Variants in CYRIB observed in about 807,000 individuals in gnomAD.
CYRIB encodes CYFIP related Rac1 interactor B.
CYRIB carries 8 observed loss-of-function variants against 44.2 expected under a neutral mutation model. That is an observed-to-expected ratio of 0.18 (90% confidence interval 0.11 to 0.33). The LOEUF (loss-of-function observed/expected upper bound fraction) is 0.33, where lower values mean the gene tolerates loss of function less well. CYRIB is among the 10% of genes least tolerant of loss of function. The probability of loss-of-function intolerance (pLI) is 1.00; values close to 1 mark genes in which losing one functional copy is unlikely to be tolerated. For synonymous variants in CYRIB, 131 were observed against 127.2 expected (o/e 1.03, Z -0.20); for missense variants, 185 against 382.8 (o/e 0.48, Z 4.31).
At chr8:129,872,782 CAAG>C (rs1389198442) in intron 3 of CYRIB, among the ~76,000 whole-genome samples, 4 of 151,922 alleles carry the variant, frequency 2.6e-5, no homozygotes, top group Non-Finnish European at 4.4e-5. Flanking sequence ...TTTTAACAAA[CAAG>C]AAGGTTTTTG....
At chr8:129,943,086 A>ACCCCCCCCCCCCCCCCCCCCCCCCC (rs779721289), upstream of CYRIB, among the ~76,000 whole-genome samples, 1 of 101,580 alleles carries the variant, frequency 9.8e-6, no homozygotes, top group African/African-American at 3.3e-5. Flanking sequence ...TGCACCGCCC[A>ACCCCCCCCCCCCCCCCCCCCCCCCC]CCCGCCCCCC....
At chr8:129,994,351 A>G (rs983807331) in intron 1 of CYRIB, among the ~76,000 whole-genome samples, 1 of 152,194 alleles carries the variant, frequency 6.6e-6, no homozygotes, top group African/African-American at 2.4e-5. Context: ...TTGGACTGCC[A>G]GTCTCCAGAA....
At chr8:129,849,403 G>A (rs752774225) in intron 9 of CYRIB, 34 bp from the exon 12 acceptor site, 4 of 1,566,886 alleles carry the variant, frequency 2.6e-6, no homozygotes, top group African/African-American at 1.4e-5. Flanking sequence ...TGGAAGAAGT[G>A]CATTACAAAA....
At chr8:129,932,402 A>G (rs1243499055) in intron 1 of CYRIB, among the ~76,000 whole-genome samples, 2 of 152,166 alleles carry the variant, frequency 1.3e-5, no homozygotes, top group Non-Finnish European at 2.9e-5. Flanking sequence ...GTATTCCTCC[A>G]GAGCAAAGGG....
At chr8:129,984,786 G>T (rs1564618716) in intron 1 of CYRIB, among the ~76,000 whole-genome samples, 2 of 151,756 alleles carry the variant, frequency 1.3e-5, no homozygotes, top group Non-Finnish European at 2.9e-5. Context: ...TTTTGTTTTT[G>T]TTTTTTTGAG....
chr8:129,862,695 C>T, intron 4 of CYRIB, among the ~76,000 whole-genome samples: 1 of 152,166 alleles, frequency 6.6e-6, no homozygotes, highest in East Asian at 1.9e-4. Flanking sequence ...TGGTCTCGAA[C>T]TCCTGACCTC....
intron 1 of CYRIB, among the ~76,000 whole-genome samples, chr8:129,925,261 G>A (rs1245241626): frequency 2.6e-5 from 4 of 152,170 alleles, no homozygotes; most frequent in African/African-American, 9.7e-5. Flanking sequence ...AGCCGGGCAT[G>A]GTGGTGTGTA....
At chr8:129,879,546 A>G in intron 2 of CYRIB, 75 bp from the exon 5 acceptor site, 1 of 1,088,600 alleles carries the variant, frequency 9.2e-7, no homozygotes, top group East Asian at 2.4e-5. Flanking sequence ...TTAAAGAAAA[A>G]TAGTAACAGG....
intron 2 of CYRIB, among the ~76,000 whole-genome samples, chr8:129,951,846 C>T (rs2094520488): frequency 6.6e-6 from 1 of 151,136 alleles, no homozygotes; most frequent in Admixed American, 6.6e-5. Flanking sequence ...TATTGTCTTT[C>T]TCCATGAACT....
At chr8:129,904,142 T>C (rs1434646337) in intron 1 of CYRIB, among the ~76,000 whole-genome samples, 1 of 152,046 alleles carries the variant, frequency 6.6e-6, no homozygotes, top group Non-Finnish European at 1.5e-5. Flanking sequence ...AAGAAGCAAA[T>C]AAAGACATTA....
At chr8:129,909,159 T>C (rs2076850517) in intron 1 of CYRIB, among the ~76,000 whole-genome samples, 1 of 152,158 alleles carries the variant, frequency 6.6e-6, no homozygotes, top group South Asian at 2.1e-4. Flanking sequence ...TTTCTAATTA[T>C]CTCTAAAGTT....
At position 129,978,109 on chromosome 8, in the gene CYRIB, G is replaced by A. The variant is rs7823774; in HGVS notation, c.-295-7114C>T. Reference sequence around the variant, plus strand: ...TTTTTTTTTTATTTCATGTAGAGACGAGGTCTTGCTATGTGCCCAGGTCAA... The same window carrying A: ...TTTTTTTTTTATTTCATGTAGAGACAAGGTCTTGCTATGTGCCCAGGTCAA... On this transcript the variant is annotated intron_variant, in intron 1 of 14. Transcript: ENST00000401979. Among the ~76,000 whole-genome samples, 478 of 151,876 alleles carry A rather than the reference G, an allele frequency of 3.1e-3. 2 individuals carry two copies. Among genetic ancestry groups the A allele is most frequent in the African/African-American group, 0.011 (445 of 41,416 alleles).
chr8:130,013,641 C>T (rs2097276360), intron 1 of CYRIB, among the ~76,000 whole-genome samples: 1 of 152,200 alleles, frequency 6.6e-6, no homozygotes. Context: ...AACGAGATGG[C>T]AGTAATGCTG....
chr8:129,882,547 A>G (rs76857096), intron 2 of CYRIB, among the ~76,000 whole-genome samples: 6,534 of 152,302 alleles, frequency 0.043, 236 homozygotes, highest in African/African-American at 0.096. Context: ...TGAAGCCCAT[A>G]TTTATCAAGA....
chr8:129,841,891 C>G (rs1252684078), exon 12 of CYRIB: 2 of 390,486 alleles, frequency 5.1e-6, no homozygotes, highest in Middle Eastern at 6.9e-4. Flanking sequence ...AGTAGAGACC[C>G]CAATGCAATG....
At chr8:129,953,076 C>CATTT (rs1216779115) in intron 2 of CYRIB, among the ~76,000 whole-genome samples, 1 of 152,206 alleles carries the variant, frequency 6.6e-6, no homozygotes, top group Non-Finnish European at 1.5e-5. Context: ...ATCCATCAAG[C>CATTT]ATTTCATCTA....
intron 1 of CYRIB, among the ~76,000 whole-genome samples, chr8:129,976,430 A>G (rs2095920462): frequency 6.6e-6 from 1 of 152,238 alleles, no homozygotes; most frequent in Non-Finnish European, 1.5e-5. Flanking sequence ...TTTATTTCAC[A>G]TTATTAGGAC....
At chr8:129,995,796 C>T (rs2096751398) in intron 1 of CYRIB, among the ~76,000 whole-genome samples, 2 of 152,254 alleles carry the variant, frequency 1.3e-5, no homozygotes, top group Non-Finnish European at 2.9e-5. Flanking sequence ...AGCCCGAGGA[C>T]CGTGGTCCAG....
At chr8:129,898,974 G>A (rs544763081) in intron 2 of CYRIB, among the ~76,000 whole-genome samples, 1 of 151,608 alleles carries the variant, frequency 6.6e-6, no homozygotes, top group Admixed American at 6.6e-5. Context: ...AGTGATTCTC[G>A]TGCCTCACCC....
Sources: allele counts gnomAD v4.1 joint callset (sites outside exome capture counted in the v4.1 genomes callset), GRCh38; gene constraint gnomAD v4.1.1; transcripts MANE v1.5; gene names NCBI Gene and HGNC (gene_info 2026-07-23, HGNC 2026-07-21).